Variants in AKR1A1 observed in about 807,000 individuals in gnomAD.
AKR1A1 encodes aldo-keto reductase family 1 member A1.
Under a neutral mutation model 39.2 loss-of-function variants are expected in AKR1A1, and 26 were observed. That is an observed-to-expected ratio of 0.66 (90% CI 0.49 to 0.92). The LOEUF (loss-of-function observed/expected upper bound fraction) is 0.92, where lower values mean the gene tolerates loss of function less well. Ranked by LOEUF, AKR1A1 falls within the 40% of genes least tolerant of loss-of-function variation. The probability of loss-of-function intolerance (pLI) is 0.00; values close to 1 mark genes in which losing one functional copy is unlikely to be tolerated. For missense variants in AKR1A1, 378 were observed against 406.5 expected (o/e 0.93, Z 0.60); for synonymous variants, 141 against 155.5 (o/e 0.91, Z 0.69).
In AKR1A1 at chr1:45,568,925, A is replaced by T. The variant is rs778511776; in HGVS notation, c.753-2A>T. On this transcript the variant is annotated splice_acceptor_variant, in intron 6 of 8. Transcript: ENST00000351829. LOFTEE classifies it high-confidence loss of function. Reference sequence around the variant, plus strand: ...CCTCATCTGTCTAATCCCCCAACTTAGGTGGCAGGTCCAGCGGAAAGTGAT... The same window carrying T: ...CCTCATCTGTCTAATCCCCCAACTTTGGTGGCAGGTCCAGCGGAAAGTGAT... 3.7e-6 allele frequency: 6 copies of T among 1,614,006 alleles called. No homozygotes were observed. The African/African-American group carries it at 8.0e-5, about 22-fold the overall frequency.
intron 1 of AKR1A1, among the ~76,000 whole-genome samples, chr1:45,557,912 C>CTTTTTTTTTTTT (rs67386168): frequency 0.34 from 37,151 of 108,190 alleles, 8,396 homozygotes; most frequent in East Asian, 0.43. Flanking sequence ...CACAACTTGT[C>CTTTTTTTTTTTT]TTTTTTTTTT....
chr1:45,569,819 T>C (rs1392763898), intron 8 of AKR1A1, 72 bp from the exon 9 acceptor site: 1 of 1,382,490 alleles, frequency 7.2e-7, no homozygotes. Context: ...TAGGAAGATT[T>C]GGGGAAGATG....
At chr1:45,553,698 A>G (rs1353973867) in intron 1 of AKR1A1, among the ~76,000 whole-genome samples, 2 of 152,054 alleles carry the variant, frequency 1.3e-5, no homozygotes, top group African/African-American at 4.8e-5. Flanking sequence ...TGGCTTTTCT[A>G]GAAGTATAGG....
At chr1:45,558,762 C>T (rs1043884216) in intron 1 of AKR1A1, among the ~76,000 whole-genome samples, 2 of 152,112 alleles carry the variant, frequency 1.3e-5, no homozygotes, top group Non-Finnish European at 2.9e-5. Flanking sequence ...ATACCCTGAC[C>T]TCAGGTGATC....
intron 4 of AKR1A1, chr1:45,567,598 C>T (rs975445329): frequency 2.8e-4 from 45 of 159,484 alleles, no homozygotes; most frequent in African/African-American, 9.1e-4. Context: ...GAGGCTAAGG[C>T]GGGCGGATCA....
In AKR1A1 at chr1:45,566,979, G is replaced by C; in HGVS notation, c.315G>C (p.Glu105Asp). ...AGACTCTGGCTGACCTCCAGCTGGA[G>C]TATCTGGACCTGTACCTGATGCACT... ...LRKTLADLQL[E>D]YLDLYLMHWP... Residue 105 changes from glutamate (E) to aspartate (D), a missense_variant, in exon 4 of 9, where the codon GAG becomes GAC. Glu to Asp is a conservative substitution (Grantham distance 45). Transcript: ENST00000351829. 1 of 1,614,274 alleles carries C rather than the reference G, an allele frequency of 6.2e-7. No homozygotes were observed. Among genetic ancestry groups the C allele is most frequent in the South Asian group, 1.1e-5 (1 of 91,092 alleles).
intron 4 of AKR1A1, 101 bp downstream of exon 4, chr1:45,567,121 C>G: frequency 6.9e-7 from 1 of 1,459,418 alleles, no homozygotes; most frequent in East Asian, 2.3e-5. Flanking sequence ...TAGGAACACT[C>G]ATTTGCATGC....
rs1644393946 is a variant in AKR1A1 at position 45,569,984 on chromosome 1, G to T, written c.*28G>T. On this transcript the variant is annotated 3_prime_UTR_variant, in exon 9 of 9. Transcript: ENST00000351829. Reference sequence around the variant, plus strand: ...CCACAGCTTCTTGGCCTCCCTTCCAGCTCTGCAGCTAATGAGGTCCTGCCA... The same window carrying T: ...CCACAGCTTCTTGGCCTCCCTTCCATCTCTGCAGCTAATGAGGTCCTGCCA... 1 of 1,604,464 alleles carries T rather than the reference G, an allele frequency of 6.2e-7. No individual in the cohort carries two copies. Among genetic ancestry groups the T allele is most frequent in the African/African-American group, 1.3e-5 (1 of 74,702 alleles).
At chr1:45,555,619 T>G (rs1644191947) in intron 1 of AKR1A1, among the ~76,000 whole-genome samples, 1 of 152,210 alleles carries the variant, frequency 6.6e-6, no homozygotes, top group African/African-American at 2.4e-5. Flanking sequence ...CTATGCCATT[T>G]TATATAAGGG....
chr1:45,552,785 C>T (rs527620951), intron 1 of AKR1A1, among the ~76,000 whole-genome samples: 5 of 152,106 alleles, frequency 3.3e-5, no homozygotes, highest in Admixed American at 1.3e-4. Context: ...TGATGGACTG[C>T]GGGAAGAGGG....
rs76310475 is a variant in AKR1A1 at position 45,565,867 on chromosome 1, A to G, written c.85-702A>G. The stretch of plus-strand genomic sequence containing the variant: ...TGCCTTCAAGCAATGCTCCCATGTC[A>G]GCCTCCCAGAGTCCTAGGATTACAG... On this transcript the variant is annotated intron_variant, in intron 2 of 8. Transcript: ENST00000351829. 4.0e-3 allele frequency among the ~76,000 whole-genome samples: 607 copies of G among 151,628 alleles called. 8 individuals are homozygous for G. Among genetic ancestry groups the G allele is most frequent in the East Asian group, 0.035 (180 of 5,140 alleles).
chr1:45,569,589 C>T (rs754405084), intron 8 of AKR1A1, among the ~76,000 whole-genome samples: 5 of 152,052 alleles, frequency 3.3e-5, no homozygotes, highest in Admixed American at 6.6e-5. Context: ...TGACCTCACT[C>T]GAGGGATTGG....
At position 45,569,243 on chromosome 1, in the gene AKR1A1, A is replaced by C. The variant is rs779211690; in HGVS notation, c.912+14A>C. ...CCTATGCTTACGGTGAGGATGTATC[A>C]GCCTCCTAGACTTGGGGAATGTGAG... is the stretch of plus-strand genomic sequence containing the variant. On this transcript the variant is annotated intron_variant, in intron 8 of 8. Coordinates refer to ENST00000351829, the MANE Select transcript of AKR1A1 (RefSeq NM_153326.3). 1.2e-6 allele frequency: 2 copies of C among 1,607,286 alleles called. No individual in the cohort carries two copies. The highest frequency in any genetic ancestry group is 2.2e-5 in the South Asian group (2 of 90,910).
At chr1:45,559,737 G>C (rs1334642810) in intron 1 of AKR1A1, among the ~76,000 whole-genome samples, 1 of 135,354 alleles carries the variant, frequency 7.4e-6, no homozygotes, top group Non-Finnish European at 1.5e-5. Flanking sequence ...TCCGCCTCCC[G>C]GGTTCAAGCA....
In AKR1A1 at chr1:45,566,988, C is replaced by T. The variant is rs200934791; in HGVS notation, c.324C>T (p.Asp108=). 2 of 1,614,244 alleles carry T rather than the reference C, an allele frequency of 1.2e-6. No homozygotes were observed. The highest frequency in any genetic ancestry group is 1.7e-6 in the Non-Finnish European group (2 of 1,180,036). The change falls in exon 4 of 9, where the codon GAC becomes GAT. Residue 108 remains aspartate, a synonymous_variant. Transcript: ENST00000351829. ...TLADLQLEYL[D]LYLMHWPYAF... ...CTGACCTCCAGCTGGAGTATCTGGA[C>T]CTGTACCTGATGCACTGGCCTTATG... is the stretch of plus-strand genomic sequence containing the variant.
In AKR1A1 at chr1:45,568,490, A is replaced by G. The variant is rs17849990; in HGVS notation, c.558A>G (p.Glu186=). Residue 186 remains glutamate (E), a synonymous_variant, in exon 6 of 9, where the codon GAA becomes GAG. Transcript: ENST00000351829. ...TGGGTTATTCTTTGGCTCAGGTGGAATGCCACCCATACTTGGCTCAAAATG... is the reference window on the plus strand; with the variant it reads ...TGGGTTATTCTTTGGCTCAGGTGGAGTGCCACCCATACTTGGCTCAAAATG... ...ASVRPAVLQV[E]CHPYLAQNEL... is the part of the protein sequence containing the mutation. 1 of 1,613,490 alleles carries G rather than the reference A, an allele frequency of 6.2e-7. No individual in the cohort carries two copies. The highest frequency in any genetic ancestry group is 1.3e-5 in the African/African-American group (1 of 74,902).
rs780794575 is a variant in AKR1A1, at chr1:45,568,175, C to T, written c.550C>T (p.Gln184Ter). ...SVASVRPAVL[Q>*]VECHPYLAQN... ...GGCCTCCGTGCGTCCAGCTGTCTTG[C>T]AGGTAAGGACAGCAAGCAGATGAGT... Residue 184 changes from glutamine (Q) to a stop codon, truncating the protein, a stop_gained and splice_region_variant, in exon 5 of 9, where the codon CAG becomes TAG. Coordinates refer to ENST00000351829, the MANE Select transcript of AKR1A1 (RefSeq NM_153326.3). LOFTEE classifies it high-confidence loss of function. 1 of 1,610,124 alleles carries T rather than the reference C, an allele frequency of 6.2e-7. No individual in the cohort carries two copies. The highest frequency in any genetic ancestry group is 8.5e-7 in the Non-Finnish European group (1 of 1,178,158).
intron 1 of AKR1A1, among the ~76,000 whole-genome samples, chr1:45,554,601 A>C (rs1212669954): frequency 6.6e-6 from 1 of 152,170 alleles, no homozygotes; most frequent in Non-Finnish European, 1.5e-5. Flanking sequence ...ACAGGAGAAA[A>C]TACTCTCCTC....
At chr1:45,564,963 C>T (rs1042742839) in intron 2 of AKR1A1, among the ~76,000 whole-genome samples, 21 of 150,694 alleles carry the variant, frequency 1.4e-4, no homozygotes, top group Non-Finnish European at 2.8e-4. Flanking sequence ...GCTGGGACTA[C>T]AGGCACCCCC....
Sources: allele counts gnomAD v4.1 joint callset (sites outside exome capture counted in the v4.1 genomes callset), GRCh38; gene constraint gnomAD v4.1.1; transcripts MANE v1.5; gene names NCBI Gene and HGNC (gene_info 2026-07-23, HGNC 2026-07-21).